The following NDUFS4 variants were observed in gnomAD, a reference collection of about 807,000 sequenced individuals.
NDUFS4 encodes the protein NADH:ubiquinone oxidoreductase subunit S4, also known as NADH dehydrogenase [ubiquinone] iron-sulfur protein 4, mitochondrial.
A neutral mutation model predicts 24.3 loss-of-function variants in NDUFS4; 28 were observed. The observed-to-expected ratio is 1.15, with a 90% CI of 0.85 to 1.58. The LOEUF (loss-of-function observed/expected upper bound fraction) is 1.58, where lower values mean the gene tolerates loss of function less well. Among genes scored for constraint, NDUFS4 ranks in the 40% most tolerant of loss-of-function variants. NDUFS4 has a pLI of 0.00. For synonymous variants in NDUFS4, 93 were observed against 69.7 expected, an observed-to-expected ratio of 1.34 and a Z score of -1.67; for missense variants, 223 against 207.9, an observed-to-expected ratio of 1.07 and a Z score of -0.45.
intron 1 of NDUFS4, among the ~76,000 whole-genome samples, chr5:53,568,827 T>G (rs1340390767): frequency 6.6e-6 from 1 of 152,232 alleles, no homozygotes; most frequent in African/African-American, 2.4e-5. Context: ...TTTCAAATGT[T>G]GAGAGAACTG....
chr5:53,662,322 C>G (rs1031772554), intron 4 of NDUFS4, among the ~76,000 whole-genome samples: 4 of 152,148 alleles, frequency 2.6e-5, no homozygotes, highest in Non-Finnish European at 4.4e-5. Flanking sequence ...GTTGAACCAG[C>G]CTTGCATCCC....
chr5:53,591,309 G>T (rs1210913662), intron 1 of NDUFS4, among the ~76,000 whole-genome samples: 1 of 152,072 alleles, frequency 6.6e-6, no homozygotes, highest in Non-Finnish European at 1.5e-5. Context: ...GAAGCTGCTG[G>T]ATTATATGGT....
chr5:53,597,321 A>AT (rs1458241221), intron 1 of NDUFS4, among the ~76,000 whole-genome samples: 1 of 152,158 alleles, frequency 6.6e-6, no homozygotes, highest in African/African-American at 2.4e-5. Flanking sequence ...AAACACACAT[A>AT]ACCTCAGTTT....
chr5:53,633,208 A>G (rs1011432411), intron 2 of NDUFS4, among the ~76,000 whole-genome samples: 5 of 152,188 alleles, frequency 3.3e-5, no homozygotes, highest in African/African-American at 1.2e-4. Context: ...TACTTTGAGA[A>G]GATGATAAAG....
chr5:53,564,611 C>T lies in NDUFS4; in HGVS notation c.98+3851C>T, dbSNP rs75348640. ...CTGGAGTGCAGTGGCGCAATCTTGG[C>T]TCATGCAACCTCCACCCTCTGGGCT... On this transcript the variant is annotated intron_variant, in intron 1 of 4. Transcript: ENST00000296684. Among the ~76,000 whole-genome samples, 1,107 of 152,288 alleles carry T rather than the reference C, an allele frequency of 7.3e-3. 13 individuals carry two copies. Among genetic ancestry groups the T allele is most frequent in the African/African-American group, 0.025 (1,057 of 41,550 alleles).
chr5:53,594,455 G>A (rs532078658), intron 1 of NDUFS4, among the ~76,000 whole-genome samples: 1 of 152,136 alleles, frequency 6.6e-6, no homozygotes, highest in African/African-American at 2.4e-5. Context: ...GTAATATGTA[G>A]TTGTGTCTTA....
intron 2 of NDUFS4, among the ~76,000 whole-genome samples, chr5:53,636,504 A>T (rs1399673427): frequency 6.6e-6 from 1 of 152,196 alleles, no homozygotes. Flanking sequence ...ATGTGCTGGG[A>T]TCTAATAATA....
In NDUFS4 at chr5:53,629,892, T is replaced by A. The variant is rs770133300; in HGVS notation, c.178-16341T>A. Among the ~76,000 whole-genome samples the A allele has an allele frequency of 1.4e-4, 22 of 152,294 alleles. No homozygotes were observed. The Middle Eastern group carries it at 0.024, about 165-fold the overall frequency. ...GCCCATTTACATTTAAGGTTAATAT[T>A]GTTATGTGTGAATTTGATCCTGTCA... On this transcript the variant is annotated intron_variant, in intron 2 of 4. Coordinates refer to ENST00000296684, the MANE Select transcript of NDUFS4 (RefSeq NM_002495.4).
At chr5:53,568,774 C>CT (rs1046174612) in intron 1 of NDUFS4, among the ~76,000 whole-genome samples, 26 of 152,230 alleles carry the variant, frequency 1.7e-4, no homozygotes, top group Admixed American at 1.3e-3. Flanking sequence ...ATGTAGTTCT[C>CT]TAAGAAAGTT....
At chr5:53,675,436 A>G (rs256099) in intron 4 of NDUFS4, among the ~76,000 whole-genome samples, 30,688 of 152,038 alleles carry the variant, frequency 0.2, 3,590 homozygotes, top group East Asian at 0.46. Context: ...TGCTGGGATT[A>G]CAGGCGTGAG....
chr5:53,671,337 T>C (rs1013911580), intron 4 of NDUFS4, among the ~76,000 whole-genome samples: 5 of 152,162 alleles, frequency 3.3e-5, no homozygotes, highest in Admixed American at 6.6e-5. Flanking sequence ...TATGGAAGGC[T>C]GGTGTTCTGA....
At chr5:53,636,498 G>T (rs1298309486) in intron 2 of NDUFS4, among the ~76,000 whole-genome samples, 1 of 152,194 alleles carries the variant, frequency 6.6e-6, no homozygotes, top group Non-Finnish European at 1.5e-5. Context: ...AAAACAATGT[G>T]CTGGGATCTA....
At chr5:53,588,121 A>G (rs1365318863) in intron 1 of NDUFS4, among the ~76,000 whole-genome samples, 3 of 152,156 alleles carry the variant, frequency 2.0e-5, no homozygotes, top group Non-Finnish European at 2.9e-5. Context: ...GAGTCACACA[A>G]ATTTTTTGGT....
intron 1 of NDUFS4, among the ~76,000 whole-genome samples, chr5:53,576,685 A>G (rs1424745084): frequency 1.3e-5 from 2 of 152,220 alleles, no homozygotes; most frequent in Non-Finnish European, 2.9e-5. Flanking sequence ...ATGAATATAG[A>G]TCATAGGAAC....
intron 1 of NDUFS4, among the ~76,000 whole-genome samples, chr5:53,594,872 TTGTG>T (rs60887057): frequency 1.3e-4 from 19 of 148,486 alleles, no homozygotes; most frequent in South Asian, 6.5e-4. Context: ...ATGTCTGTGT[TTGTG>T]TGTGTGTGTG....
intron 2 of NDUFS4, among the ~76,000 whole-genome samples, chr5:53,628,309 C>G (rs1277437934): frequency 6.6e-6 from 1 of 152,070 alleles, no homozygotes; most frequent in Non-Finnish European, 1.5e-5. Flanking sequence ...ATTTTTGCAT[C>G]GATGTTCATC....
At chr5:53,654,944 T>C (rs147118224) in intron 3 of NDUFS4, among the ~76,000 whole-genome samples, 1 of 152,326 alleles carries the variant, frequency 6.6e-6, no homozygotes, top group East Asian at 1.9e-4. Context: ...AAGTCTGTTT[T>C]ATGGTGTAGA....
chr5:53,616,029 T>C (rs1232522031), intron 2 of NDUFS4, among the ~76,000 whole-genome samples: 2 of 152,136 alleles, frequency 1.3e-5, no homozygotes, highest in African/African-American at 2.4e-5. Flanking sequence ...TAGTATGCAT[T>C]ATAATATCTT....
chr5:53,560,802 C>T (rs2112398153), intron 1 of NDUFS4, 42 bp downstream of exon 1: 1 of 1,613,098 alleles, frequency 6.2e-7, no homozygotes, highest in Non-Finnish European at 8.5e-7. Context: ...TCTTGGGTCC[C>T]TCCATTTTTG....
Sources: allele counts gnomAD v4.1 joint callset (sites outside exome capture counted in the v4.1 genomes callset), GRCh38; gene constraint gnomAD v4.1.1; transcripts MANE v1.5; gene names NCBI Gene and HGNC (gene_info 2026-07-23, HGNC 2026-07-21).